Variants in ACBD6 observed in about 807,000 individuals in gnomAD.
ACBD6 encodes the protein acyl-CoA binding domain containing 6.
A neutral mutation model predicts 37.2 loss-of-function variants in ACBD6; 28 were observed. That is an observed-to-expected ratio of 0.75 (90% CI 0.56 to 1.03). The LOEUF is 1.03. ACBD6 is among the 50% of genes least tolerant of loss of function. ACBD6 has a pLI of 0.00. For missense variants in ACBD6, 340 were observed against 337.4 expected (o/e 1.01, Z -0.06); for synonymous variants, 113 against 126.8 (o/e 0.89, Z 0.73).
chr1:180,458,650 C>T (rs1650012925), intron 3 of ACBD6, among the ~76,000 whole-genome samples: 1 of 151,826 alleles, frequency 6.6e-6, no homozygotes, highest in African/African-American at 2.4e-5. Context: ...TTTCAGAAAA[C>T]AGCGTGAGTT....
At chr1:180,304,609 C>A (rs1243638141) in intron 7 of ACBD6, among the ~76,000 whole-genome samples, 2 of 150,738 alleles carry the variant, frequency 1.3e-5, no homozygotes, top group African/African-American at 4.8e-5. Context: ...AAAGAGGATA[C>A]AAACAAATGG....
At chr1:180,350,690 A>G (rs1015314402) in intron 6 of ACBD6, among the ~76,000 whole-genome samples, 1 of 152,108 alleles carries the variant, frequency 6.6e-6, no homozygotes, top group Non-Finnish European at 1.5e-5. Context: ...CATCCTTCAA[A>G]TATCACCTAG....
intron 6 of ACBD6, among the ~76,000 whole-genome samples, chr1:180,319,993 T>G (rs1356978739): frequency 6.6e-6 from 1 of 152,234 alleles, no homozygotes; most frequent in Non-Finnish European, 1.5e-5. Flanking sequence ...TTCAACATAC[T>G]GATTTCCTTT....
chr1:180,489,889 C>G (rs1651424225), intron 3 of ACBD6, among the ~76,000 whole-genome samples: 1 of 152,244 alleles, frequency 6.6e-6, no homozygotes, highest in South Asian at 2.1e-4. Flanking sequence ...GAACTCCTGA[C>G]CTCAGGTGAT....
At chr1:180,322,010 T>A (rs1651093608) in intron 6 of ACBD6, among the ~76,000 whole-genome samples, 1 of 152,130 alleles carries the variant, frequency 6.6e-6, no homozygotes, top group South Asian at 2.1e-4. Flanking sequence ...ATATAAGACT[T>A]TTATTATGTT....
chr1:180,337,842 C>T (rs1285580639), intron 6 of ACBD6, among the ~76,000 whole-genome samples: 1 of 152,180 alleles, frequency 6.6e-6, no homozygotes, highest in Non-Finnish European at 1.5e-5. Flanking sequence ...AAATCACAAG[C>T]ATTCTTATAC....
rs1183217839 is a variant in ACBD6 at position 180,502,543 on chromosome 1, A to G, written c.-277T>C. ...CCAACAGCGCGCTCAGGCTCGCCTC[A>G]GGCCCCTCCAACGGAACAGGAGTCG... is the stretch of plus-strand genomic sequence containing the variant. On this transcript the variant is annotated 5_prime_UTR_variant, in exon 1 of 8. Transcript: ENST00000367595. 6.1e-6 allele frequency: 3 copies of G among 488,328 alleles called. No individual in the cohort carries two copies. Among genetic ancestry groups the G allele is most frequent in the South Asian group, 2.0e-5 (1 of 49,504 alleles). The allele number at this position is 488,328 out of a possible 1,614,324, so 30.2% of individuals were successfully genotyped here.
intron 6 of ACBD6, among the ~76,000 whole-genome samples, chr1:180,345,088 G>T (rs560477822): frequency 6.6e-6 from 1 of 152,194 alleles, no homozygotes; most frequent in East Asian, 1.9e-4. Flanking sequence ...CTCTATATTT[G>T]TATTAATTTA....
rs1328902722 is a variant in ACBD6, at chr1:180,293,127, T to C, written c.695-4610A>G. On this transcript the variant is annotated intron_variant, in intron 7 of 7. Transcript: ENST00000367595. ...ATTTACTAGGTTCAATTTGCTAACATCTTATTAAACATTTTTGCATCTATG... is the reference window on the plus strand; with the variant it reads ...ATTTACTAGGTTCAATTTGCTAACACCTTATTAAACATTTTTGCATCTATG... Among the ~76,000 whole-genome samples, 4 of 152,204 alleles carry C rather than the reference T, an allele frequency of 2.6e-5. No individual in the cohort carries two copies. The East Asian group carries it at 7.7e-4, about 29-fold the overall frequency.
intron 3 of ACBD6, among the ~76,000 whole-genome samples, chr1:180,470,739 G>C (rs951220633): frequency 5.3e-5 from 8 of 152,158 alleles, no homozygotes; most frequent in Admixed American, 3.9e-4. Flanking sequence ...TTAACTATTT[G>C]CGTACCAACA....
At chr1:180,419,185 A>G (rs1443794658) in intron 4 of ACBD6, among the ~76,000 whole-genome samples, 2 of 152,220 alleles carry the variant, frequency 1.3e-5, no homozygotes, top group Admixed American at 1.3e-4. Flanking sequence ...CAGGAAGCGG[A>G]GCTTGCAGTG....
chr1:180,297,548 G>A (rs1649968271), intron 7 of ACBD6, among the ~76,000 whole-genome samples: 1 of 152,086 alleles, frequency 6.6e-6, no homozygotes, highest in African/African-American at 2.4e-5. Flanking sequence ...CCAACCCCAG[G>A]GTCACTGCTG....
At chr1:180,290,975 A>G (rs1482115113) in intron 7 of ACBD6, among the ~76,000 whole-genome samples, 1 of 152,164 alleles carries the variant, frequency 6.6e-6, no homozygotes, top group African/African-American at 2.4e-5. Flanking sequence ...CTGTCCCTAT[A>G]GTTTTGTCTT....
At chr1:180,275,317 T>C (rs1343491496) in exon 10 of ACBD6, 1 of 152,238 alleles carries the variant, frequency 6.6e-6, no homozygotes, top group African/African-American at 2.4e-5. Context: ...CCGCTGCAGA[T>C]TGCCTGAGTC....
chr1:180,421,693 TCTGA>T (rs1648370648), intron 4 of ACBD6, among the ~76,000 whole-genome samples: 1 of 152,186 alleles, frequency 6.6e-6, no homozygotes, highest in Non-Finnish European at 1.5e-5. Context: ...TAACAGCCAT[TCTGA>T]CTGTTACTAA....
In ACBD6 at chr1:180,353,173, G is replaced by A. The variant is rs1238656310; in HGVS notation, c.664-38451C>T. 3.3e-5 allele frequency among the ~76,000 whole-genome samples: 5 copies of A among 152,152 alleles called. No homozygotes were observed. In the South Asian group the frequency reaches 8.3e-4, roughly 25 times the overall value. Reference sequence around the variant, plus strand: ...TACTATAATTCTAATGCCTAGAAGAGGTATGGGGTACATAAAAGGTAGACA... The same window carrying A: ...TACTATAATTCTAATGCCTAGAAGAAGTATGGGGTACATAAAAGGTAGACA... On this transcript the variant is annotated intron_variant, in intron 6 of 7. Transcript: ENST00000367595.
At chr1:180,473,243 C>T (rs1336750541) in intron 3 of ACBD6, among the ~76,000 whole-genome samples, 2 of 151,844 alleles carry the variant, frequency 1.3e-5, no homozygotes, top group African/African-American at 2.4e-5. Context: ...GTCAGGAGAT[C>T]GAGACCATCC....
Position 180,502,471 on chromosome 1 carries a change from T to G in ACBD6, c.-205A>C. 1 of 615,156 alleles carries G rather than the reference T, an allele frequency of 1.6e-6. No homozygotes were observed. The highest frequency in any genetic ancestry group is 2.9e-6 in the Non-Finnish European group (1 of 344,958). 38.1% of individuals were successfully genotyped at this position (615,156 alleles called of 1,614,324 possible). On this transcript the variant is annotated 5_prime_UTR_variant, in exon 1 of 8. Transcript: ENST00000367595. ...GCGTGCAGAGCAGGCTCCTCGACCC[T>G]CTGCCGCTCTGCCCAGTCGACCCGG...
chr1:180,345,567 T>C (rs542431139), intron 6 of ACBD6, among the ~76,000 whole-genome samples: 4 of 152,116 alleles, frequency 2.6e-5, no homozygotes, highest in Non-Finnish European at 5.9e-5. Flanking sequence ...TTTATTCCAG[T>C]ATTATCCAGA....
Sources: allele counts gnomAD v4.1 joint callset (sites outside exome capture counted in the v4.1 genomes callset), GRCh38; gene constraint gnomAD v4.1.1; transcripts MANE v1.5; gene names NCBI Gene and HGNC (gene_info 2026-07-23, HGNC 2026-07-21).